Variants in TTC7A observed in about 807,000 individuals in gnomAD.
The protein encoded by TTC7A is tetratricopeptide repeat domain 7A, also known as tetratricopeptide repeat protein 7A.
Under a neutral mutation model 103.7 loss-of-function variants are expected in TTC7A, and 110 were observed. The observed-to-expected ratio is 1.06, with a 90% CI of 0.91 to 1.24. TTC7A has a LOEUF of 1.24. Among genes scored for constraint, TTC7A ranks in the 50% most tolerant of loss-of-function variants. The pLI is 0.00. For missense variants in TTC7A, 1,340 were observed against 1,116.3 expected, an observed-to-expected ratio of 1.20 and a Z score of -2.86; for synonymous variants, 521 against 467.9, an observed-to-expected ratio of 1.11 and a Z score of -1.47.
rs768630076 is a variant in TTC7A, at chr2:47,024,323, C to T, written c.1605C>T (p.Ile535=). ...TGGCGCCCAGTGACCCCCAGGTCATCCTCTATGTCTCGCTGCAGCTGGCCC... is the reference window on the plus strand; with the variant it reads ...TGGCGCCCAGTGACCCCCAGGTCATTCTCTATGTCTCGCTGCAGCTGGCCC... ...QQLAPSDPQV[I]LYVSLQLALV... The change falls in exon 14 of 20, where the codon ATC becomes ATT. Residue 535 remains isoleucine, a synonymous_variant. Transcript: ENST00000319190. 88 of 1,609,464 alleles carry T rather than the reference C, an allele frequency of 5.5e-5. No homozygotes were observed. The highest frequency in any genetic ancestry group is 7.2e-5 in the Non-Finnish European group (85 of 1,177,934).
chr2:47,059,089 G>A (rs1198103619), intron 18 of TTC7A, among the ~76,000 whole-genome samples: 3 of 138,088 alleles, frequency 2.2e-5, no homozygotes, highest in East Asian at 2.1e-4. Context: ...TGGCGCGATC[G>A]CAGCTCACCA....
intron 2 of TTC7A, among the ~76,000 whole-genome samples, chr2:46,936,051 A>G (rs527429099): frequency 4.6e-5 from 7 of 152,208 alleles, no homozygotes; most frequent in African/African-American, 1.7e-4. Context: ...TGATTGCACC[A>G]TAGCACTCCA....
chr2:47,051,078 T>A (rs560174043), intron 17 of TTC7A, among the ~76,000 whole-genome samples: 1 of 152,368 alleles, frequency 6.6e-6, no homozygotes, highest in African/African-American at 2.4e-5. Context: ...GTGTTCTGAC[T>A]TGAGCTGCTA....
intron 18 of TTC7A, among the ~76,000 whole-genome samples, chr2:47,052,219 G>A (rs1022349429): frequency 6.6e-6 from 1 of 152,236 alleles, no homozygotes; most frequent in African/African-American, 2.4e-5. Context: ...AAGAAAGAGA[G>A]GGCTGGGGGT....
chr2:46,997,476 T>C (rs1676325912), intron 8 of TTC7A, among the ~76,000 whole-genome samples: 1 of 152,124 alleles, frequency 6.6e-6, no homozygotes. Context: ...AAAACAACAG[T>C]TTCATATAGT....
intron 15 of TTC7A, among the ~76,000 whole-genome samples, chr2:47,041,137 TC>T (rs1307816535): frequency 1.3e-5 from 2 of 152,194 alleles, no homozygotes; most frequent in Non-Finnish European, 2.9e-5. Flanking sequence ...AGCCCACTGT[TC>T]CTCCCCAGGT....
chr2:46,935,965 C>T (rs1466071943), intron 2 of TTC7A, among the ~76,000 whole-genome samples: 9 of 151,876 alleles, frequency 5.9e-5, no homozygotes, highest in Non-Finnish European at 1.3e-4. Context: ...GTGGCGTGTG[C>T]CTGTAGTCCC....
intron 3 of TTC7A, among the ~76,000 whole-genome samples, chr2:46,962,504 G>A (rs1558513010): frequency 6.6e-6 from 1 of 152,208 alleles, no homozygotes; most frequent in African/African-American, 2.4e-5. Context: ...AACACCTGCT[G>A]GGAATGCCAA....
chr2:47,003,827 C>T (rs13400490), intron 8 of TTC7A, among the ~76,000 whole-genome samples: 22,055 of 152,264 alleles, frequency 0.14, 2,282 homozygotes, highest in African/African-American at 0.29. Flanking sequence ...TGTTGGAGGC[C>T]GCCCCTGTGG....
chr2:46,972,657 G>A (rs914954187), intron 3 of TTC7A, among the ~76,000 whole-genome samples: 1 of 152,214 alleles, frequency 6.6e-6, no homozygotes, highest in Non-Finnish European at 1.5e-5. Context: ...GGAGAGCAAG[G>A]TGCTATTACT....
chr2:47,014,167 T>C (rs575927660), intron 11 of TTC7A, among the ~76,000 whole-genome samples: 1 of 152,322 alleles, frequency 6.6e-6, no homozygotes, highest in South Asian at 2.1e-4. Context: ...ATGTGGTGCA[T>C]GACTTCCCAA....
intron 1 of TTC7A, among the ~76,000 whole-genome samples, chr2:46,949,304 C>T (rs1033552967): frequency 2.0e-5 from 3 of 151,490 alleles, no homozygotes; most frequent in Non-Finnish European, 4.4e-5. Context: ...GGTGTGATCT[C>T]GGCTCACTGC....
chr2:46,989,500 C>G (rs1257098610), intron 5 of TTC7A, among the ~76,000 whole-genome samples: 1 of 152,194 alleles, frequency 6.6e-6, no homozygotes. Flanking sequence ...TGGAGAAGCC[C>G]CGTGTGCTTT....
chr2:47,067,606 TGGAGCA>T (rs1684286871), intron 19 of TTC7A, among the ~76,000 whole-genome samples: 1 of 152,340 alleles, frequency 6.6e-6, no homozygotes, highest in African/African-American at 2.4e-5. Flanking sequence ...ACCTGCAGGT[TGGAGCA>T]GGGCCTTCAA....
Position 47,060,942 on chromosome 2 carries a change from CCAGATGGCGTGCG to C in TTC7A, c.2329_2341del (p.Asp777SerfsTer7). 6.2e-7 allele frequency: 1 copy of C among 1,613,800 alleles called. No homozygotes were observed. Among genetic ancestry groups the C allele is most frequent in the Non-Finnish European group, 8.5e-7 (1 of 1,179,874 alleles). On this transcript the variant is annotated frameshift_variant, in exon 19 of 20. Coordinates refer to ENST00000319190, the MANE Select transcript of TTC7A (RefSeq NM_020458.4). LOFTEE classifies it high-confidence loss of function. ...GTACAAGGAGGCGCTCACGGTGAAC[CCAGATGGCGTGCG>C]CATCATGCATAGCCTGGTGAGTCAG...
intron 17 of TTC7A, among the ~76,000 whole-genome samples, chr2:47,051,444 T>G (rs1368383317): frequency 6.6e-6 from 1 of 152,156 alleles, no homozygotes; most frequent in East Asian, 1.9e-4. Context: ...GACACTGAGG[T>G]TATTTCTGTT....
rs555310729 is a variant in TTC7A, at chr2:47,069,206, C to T, written c.2356-4496C>T. Among the ~76,000 whole-genome samples, 5 of 152,134 alleles carry T rather than the reference C, an allele frequency of 3.3e-5. No individual in the cohort carries two copies. The East Asian group carries it at 9.7e-4, about 29-fold the overall frequency. ...GAGGAGAAAAGGCCCAGCCACTGGCCAGAGGAGACGGCTGGCAAGGAAGTC... is the reference window on the plus strand; with the variant it reads ...GAGGAGAAAAGGCCCAGCCACTGGCTAGAGGAGACGGCTGGCAAGGAAGTC... On this transcript the variant is annotated intron_variant, in intron 19 of 19. Transcript: ENST00000319190.
chr2:47,019,805 G>A (rs1168545869), intron 11 of TTC7A, among the ~76,000 whole-genome samples: 1 of 152,150 alleles, frequency 6.6e-6, no homozygotes, highest in African/African-American at 2.4e-5. Flanking sequence ...TTTATAACTT[G>A]TGCTTGGTGT....
In TTC7A at chr2:46,984,564, A is replaced by G. The variant is rs1311594802; in HGVS notation, c.764+5657A>G. 2.0e-5 allele frequency among the ~76,000 whole-genome samples: 3 copies of G among 152,190 alleles called. No homozygotes were observed. The East Asian group carries it at 5.8e-4, about 29-fold the overall frequency. ...TGAGAGCCCCCCGACAGCCACCTCT[A>G]GGGGCTGCCTGCTCCCCTTCCCCAC... On this transcript the variant is annotated intron_variant, in intron 5 of 19. Coordinates refer to ENST00000319190, the MANE Select transcript of TTC7A (RefSeq NM_020458.4).
Sources: gnomAD v4.1 joint callset for allele counts (sites outside exome capture counted in the v4.1 genomes callset) on GRCh38, gnomAD v4.1.1 for gene constraint, MANE v1.5 for transcripts, NCBI Gene and HGNC (gene_info 2026-07-23, HGNC 2026-07-21) for gene names.